The following PLPPR1 variants were observed in gnomAD, a reference collection of about 807,000 sequenced individuals.
PLPPR1 encodes phospholipid phosphatase related 1, also known as phospholipid phosphatase-related protein type 1.
Under a neutral mutation model 33.1 loss-of-function variants are expected in PLPPR1, and 10 were observed. The ratio of observed to expected loss-of-function variants is 0.30; its 90% CI spans 0.19 to 0.51. The LOEUF is 0.51. Among genes scored for constraint, PLPPR1 ranks in the 20% least tolerant of loss-of-function variants. The pLI, the probability that PLPPR1 is intolerant of heterozygous loss-of-function variation, is 0.97. For missense variants in PLPPR1, 304 were observed against 408.1 expected (o/e 0.74, Z 2.20); for synonymous variants, 151 against 151.0 (o/e 1.00, Z 0.00).
chr9:101,102,879 C>A (rs1329236538), intron 1 of PLPPR1, among the ~76,000 whole-genome samples: 4 of 80,334 alleles, frequency 5.0e-5, no homozygotes, highest in Middle Eastern at 5.8e-3. Context: ...TTTTGATTTG[C>A]ATTTCTCTGA....
intron 1 of PLPPR1, among the ~76,000 whole-genome samples, chr9:101,159,866 A>T (rs574758471): frequency 3.9e-5 from 6 of 152,324 alleles, no homozygotes; most frequent in African/African-American, 1.2e-4. Flanking sequence ...TAACCTTTGC[A>T]TGTCATTTTC....
At chr9:101,052,977 G>T (rs1336213603) in intron 1 of PLPPR1, among the ~76,000 whole-genome samples, 2 of 152,120 alleles carry the variant, frequency 1.3e-5, no homozygotes, top group Non-Finnish European at 2.9e-5. Flanking sequence ...GGCACTTAAA[G>T]TCTTTGATCA....
At chr9:101,293,715 A>G (rs1461654431) in intron 4 of PLPPR1, among the ~76,000 whole-genome samples, 1 of 152,178 alleles carries the variant, frequency 6.6e-6, no homozygotes, top group Non-Finnish European at 1.5e-5. Flanking sequence ...TGGGTACATA[A>G]CGAAATGAAG....
intron 1 of PLPPR1, among the ~76,000 whole-genome samples, chr9:101,178,984 T>A (rs1826059581): frequency 6.6e-6 from 1 of 152,154 alleles, no homozygotes; most frequent in African/African-American, 2.4e-5. Context: ...TCCATTAAAC[T>A]GAAAGTTAAG....
chr9:101,241,224 A>G (rs1213604915), intron 2 of PLPPR1, among the ~76,000 whole-genome samples: 2 of 152,072 alleles, frequency 1.3e-5, no homozygotes, highest in Non-Finnish European at 2.9e-5. Flanking sequence ...GACATTGCTC[A>G]TGATGCAGAC....
intron 2 of PLPPR1, among the ~76,000 whole-genome samples, chr9:101,245,409 A>G (rs1480004943): frequency 6.6e-6 from 1 of 152,032 alleles, no homozygotes; most frequent in Admixed American, 6.6e-5. Flanking sequence ...ATGAAATGAT[A>G]AATATAAAAT....
chr9:101,110,509 G>A (rs1347862380), intron 1 of PLPPR1, among the ~76,000 whole-genome samples: 4 of 152,116 alleles, frequency 2.6e-5, no homozygotes, highest in Admixed American at 2.0e-4. Context: ...TTATATCATT[G>A]TTTTTAATAG....
At chr9:101,083,587 C>A (rs1830645973) in intron 1 of PLPPR1, among the ~76,000 whole-genome samples, 1 of 152,054 alleles carries the variant, frequency 6.6e-6, no homozygotes, top group East Asian at 1.9e-4. Flanking sequence ...CAAGGTAGAT[C>A]TTTAACAAAA....
At chr9:101,173,818 G>A (rs1187906780) in intron 1 of PLPPR1, among the ~76,000 whole-genome samples, 1 of 152,084 alleles carries the variant, frequency 6.6e-6, no homozygotes, top group Non-Finnish European at 1.5e-5. Flanking sequence ...CCCTTGGGTG[G>A]CAAAGGGAGA....
chr9:101,099,802 G>A (rs976392738), intron 1 of PLPPR1, among the ~76,000 whole-genome samples: 1 of 152,072 alleles, frequency 6.6e-6, no homozygotes, highest in Non-Finnish European at 1.5e-5. Context: ...GATACCAAGG[G>A]ATGACAGTAC....
intron 1 of PLPPR1, among the ~76,000 whole-genome samples, chr9:101,048,462 G>A (rs1830180033): frequency 6.6e-6 from 1 of 152,140 alleles, no homozygotes; most frequent in Non-Finnish European, 1.5e-5. Context: ...TTCTTACTGA[G>A]TCTCTTATAT....
At chr9:101,220,712 A>G (rs187682490) in intron 2 of PLPPR1, among the ~76,000 whole-genome samples, 1 of 152,304 alleles carries the variant, frequency 6.6e-6, no homozygotes, top group East Asian at 1.9e-4. Context: ...AGCTCCACAG[A>G]AATTTAACTG....
chr9:101,098,176 T>C (rs972478568), intron 1 of PLPPR1, among the ~76,000 whole-genome samples: 1 of 152,160 alleles, frequency 6.6e-6, no homozygotes. Context: ...ACTGCCAACA[T>C]CTGTTTATGC....
At chr9:101,246,775 G>A (rs1189814008) in intron 2 of PLPPR1, among the ~76,000 whole-genome samples, 1 of 152,028 alleles carries the variant, frequency 6.6e-6, no homozygotes, top group Non-Finnish European at 1.5e-5. Context: ...AGACCATACT[G>A]GGCCGTTTTC....
intron 4 of PLPPR1, among the ~76,000 whole-genome samples, chr9:101,295,017 G>C (rs1410745801): frequency 2.6e-5 from 4 of 152,214 alleles, no homozygotes; most frequent in Admixed American, 1.3e-4. Context: ...AATTGTCCCT[G>C]TTTGCAGATG....
At chr9:101,048,189 G>C (rs1242446161) in intron 1 of PLPPR1, among the ~76,000 whole-genome samples, 1 of 152,220 alleles carries the variant, frequency 6.6e-6, no homozygotes, top group Non-Finnish European at 1.5e-5. Context: ...AGAGAAACCA[G>C]TCCATAAATA....
intron 2 of PLPPR1, among the ~76,000 whole-genome samples, chr9:101,241,998 T>C (rs1827479900): frequency 6.6e-6 from 1 of 152,082 alleles, no homozygotes; most frequent in South Asian, 2.1e-4. Flanking sequence ...TGATTGGCTC[T>C]TGCTTAGGCT....
chr9:101,166,404 A>C (rs1825859089), intron 1 of PLPPR1, among the ~76,000 whole-genome samples: 1 of 152,180 alleles, frequency 6.6e-6, no homozygotes. Context: ...TCATCTTTCC[A>C]AAAGACACTT....
intron 4 of PLPPR1, among the ~76,000 whole-genome samples, chr9:101,302,690 A>C (rs1828776251): frequency 6.6e-6 from 1 of 152,204 alleles, no homozygotes; most frequent in South Asian, 2.1e-4. Context: ...TGGCACTGGT[A>C]AACCCCTGCC....
Sources: gnomAD v4.1 joint callset for allele counts (sites outside exome capture counted in the v4.1 genomes callset) on GRCh38, gnomAD v4.1.1 for gene constraint, MANE v1.5 for transcripts, NCBI Gene and HGNC (gene_info 2026-07-23, HGNC 2026-07-21) for gene names.